The following BCO1 variants were observed in gnomAD, a reference collection of about 807,000 sequenced individuals.
BCO1 encodes the protein beta-carotene oxygenase 1.
A neutral mutation model predicts 56.3 loss-of-function variants in BCO1; 54 were observed. The ratio of observed to expected loss-of-function variants is 0.96; its 90% CI spans 0.77 to 1.20. BCO1 has a LOEUF of 1.20. BCO1 is among the 50% of genes most tolerant of loss of function. The probability of loss-of-function intolerance (pLI) is 0.00; values close to 1 mark genes in which losing one functional copy is unlikely to be tolerated. For missense variants in BCO1, 801 were observed against 690.9 expected (o/e 1.16, Z -1.79); for synonymous variants, 318 against 266.1 (o/e 1.20, Z -1.90).
chr16:81,250,493 G>A (rs576537078), intron 2 of BCO1, among the ~76,000 whole-genome samples: 1 of 152,030 alleles, frequency 6.6e-6, no homozygotes, highest in East Asian at 1.9e-4. Flanking sequence ...AAGAGAACAC[G>A]TGGGGAAGTT....
chr16:81,257,554 C>T (rs1419295311), intron 2 of BCO1, among the ~76,000 whole-genome samples: 2 of 151,204 alleles, frequency 1.3e-5, no homozygotes, highest in Admixed American at 6.6e-5. Flanking sequence ...CGTGAGCCAC[C>T]GCACCTGGCC....
At chr16:81,286,365 C>A (rs1597376861) in intron 9 of BCO1, among the ~76,000 whole-genome samples, 1 of 152,058 alleles carries the variant, frequency 6.6e-6, no homozygotes, top group Non-Finnish European at 1.5e-5. Context: ...AGCCTCCACC[C>A]CTCCATACCC....
intron 7 of BCO1, among the ~76,000 whole-genome samples, chr16:81,276,007 T>G (rs1907535637): frequency 6.6e-6 from 1 of 152,214 alleles, no homozygotes; most frequent in South Asian, 2.1e-4. Context: ...GGCCCGAGGT[T>G]CGTGTGCACC....
intron 10 of BCO1, among the ~76,000 whole-genome samples, chr16:81,288,719 G>T (rs1226544669): frequency 6.6e-6 from 1 of 152,206 alleles, no homozygotes; most frequent in Non-Finnish European, 1.5e-5. Flanking sequence ...CTTCAGAAAT[G>T]CCCTGCCCAC....
chr16:81,244,717 C>CTT (rs55904406), intron 1 of BCO1, among the ~76,000 whole-genome samples: 38,500 of 128,820 alleles, frequency 0.3, 5,633 homozygotes, highest in East Asian at 0.34. Context: ...TTGCCCCTAT[C>CTT]TTTTTTTTTT....
chr16:81,280,321 AC>A (rs1907803889), intron 7 of BCO1, among the ~76,000 whole-genome samples: 1 of 20,162 alleles, frequency 5.0e-5, no homozygotes, highest in Admixed American at 1.2e-3. Flanking sequence ...ACACACACAC[AC>A]AGACACACAC....
intron 2 of BCO1, among the ~76,000 whole-genome samples, chr16:81,257,075 T>A (rs1906186411): frequency 6.6e-6 from 1 of 152,046 alleles, no homozygotes; most frequent in African/African-American, 2.4e-5. Context: ...TCTTAGCGGG[T>A]GAACAGGACA....
At position 81,267,970 on chromosome 16, in the gene BCO1, C is replaced by T. The variant is rs143003259; in HGVS notation, c.682C>T (p.Arg228Cys). 2.7e-4 allele frequency: 442 copies of T among 1,613,826 alleles called. No homozygotes were observed. Among genetic ancestry groups the T allele is most frequent in the African/African-American group, 6.5e-4 (49 of 74,850 alleles). Residue 228 changes from arginine to cysteine, a missense_variant, in exon 6 of 11, where the codon CGC becomes TGC. Transcript: ENST00000258168. The stretch of plus-strand genomic sequence containing the variant: ...AGAGGTGTTCTGCTCCATCCCATCC[C>T]GCTCCCTGCTCTCCCCAAGCTACTA... ...HTEVFCSIPS[R>C]SLLSPSYYHS...
chr16:81,253,767 C>T (rs1479373825), intron 2 of BCO1, among the ~76,000 whole-genome samples: 1 of 152,060 alleles, frequency 6.6e-6, no homozygotes, highest in Admixed American at 6.6e-5. Context: ...AGTTCAAGAC[C>T]AGCCTAGGCA....
intron 6 of BCO1, 67 bp from the exon 7 acceptor site, chr16:81,270,092 C>T: frequency 6.2e-7 from 1 of 1,600,118 alleles, no homozygotes; most frequent in Non-Finnish European, 8.5e-7. Context: ...TTTTGTTCAG[C>T]CCCCAGATGC....
chr16:81,262,852 A>C (rs1352357548), intron 4 of BCO1: 1 of 156,000 alleles, frequency 6.4e-6, no homozygotes, highest in East Asian at 1.9e-4. Context: ...AAAAAAAAAA[A>C]AAAACAAGAC....
chr16:81,265,849 T>C (rs1044962843), intron 5 of BCO1, among the ~76,000 whole-genome samples: 4 of 114,660 alleles, frequency 3.5e-5, no homozygotes, highest in African/African-American at 1.4e-4. Context: ...ACCCACCATC[T>C]ATACACCCAC....
rs753165872 is a variant in BCO1 at position 81,267,935 on chromosome 16, G to A, written c.647G>A (p.Trp216Ter). ...GGCAAGAAGCAGGGGAAGAGCCCCTGGAAGCACACAGAGGTGTTCTGCTCC... is the reference window on the plus strand; with the variant it reads ...GGCAAGAAGCAGGGGAAGAGCCCCTAGAAGCACACAGAGGTGTTCTGCTCC... ...PEGKKQGKSP[W>*]KHTEVFCSIP... The change falls in exon 6 of 11, where the codon TGG becomes TAG. Residue 216 changes from tryptophan (W) to a stop codon, truncating the protein, a stop_gained. Coordinates refer to ENST00000258168, the MANE Select transcript of BCO1 (RefSeq NM_017429.3). LOFTEE classifies it high-confidence loss of function. 1.2e-6 allele frequency: 2 copies of A among 1,613,884 alleles called. No homozygotes were observed. The highest frequency in any genetic ancestry group is 1.3e-5 in the African/African-American group (1 of 75,008).
At chr16:81,284,732 A>G (rs1232105059) in intron 8 of BCO1, among the ~76,000 whole-genome samples, 1 of 151,806 alleles carries the variant, frequency 6.6e-6, no homozygotes, top group Non-Finnish European at 1.5e-5. Context: ...CGATCCTCCC[A>G]TCTCAGCTTC....
intron 8 of BCO1, among the ~76,000 whole-genome samples, chr16:81,283,776 T>C (rs1007665606): frequency 6.6e-6 from 1 of 152,122 alleles, no homozygotes; most frequent in African/African-American, 2.4e-5. Flanking sequence ...TTCTTGGACA[T>C]TATATCTTCA....
At chr16:81,286,598 G>A (rs1213954010) in intron 9 of BCO1, among the ~76,000 whole-genome samples, 3 of 152,210 alleles carry the variant, frequency 2.0e-5, no homozygotes, top group East Asian at 1.9e-4. Flanking sequence ...GCTCACGCCT[G>A]TAATCCTAGC....
intron 2 of BCO1, among the ~76,000 whole-genome samples, chr16:81,247,332 G>C (rs1368278247): frequency 1.3e-5 from 2 of 152,006 alleles, no homozygotes; most frequent in African/African-American, 2.4e-5. Context: ...GGACGTTCTA[G>C]CAAGGGCCTG....
chr16:81,240,172 A>C (rs946764947), intron 1 of BCO1, among the ~76,000 whole-genome samples: 1 of 152,028 alleles, frequency 6.6e-6, no homozygotes, highest in African/African-American at 2.4e-5. Context: ...ATTAAATTAT[A>C]TATAAATTAA....
At chr16:81,275,132 C>G (rs773417189) in intron 7 of BCO1, among the ~76,000 whole-genome samples, 1 of 152,254 alleles carries the variant, frequency 6.6e-6, no homozygotes, top group Non-Finnish European at 1.5e-5. Flanking sequence ...TTTGGCTCCA[C>G]CCCATCCAGA....
Sources: allele counts gnomAD v4.1 joint callset (sites outside exome capture counted in the v4.1 genomes callset), GRCh38; gene constraint gnomAD v4.1.1; transcripts MANE v1.5; gene names NCBI Gene and HGNC (gene_info 2026-07-23, HGNC 2026-07-21).